The following EIF3E variants were observed in gnomAD, a reference collection of about 807,000 sequenced individuals.
The protein encoded by EIF3E is eIF-3 p48.
EIF3E carries 25 observed loss-of-function variants against 59.3 expected under a neutral mutation model. The observed-to-expected ratio is 0.42, with a 90% CI of 0.31 to 0.59. EIF3E has a LOEUF of 0.59. Among genes scored for constraint, EIF3E ranks in the 20% least tolerant of loss-of-function variants. EIF3E has a pLI of 0.15. For missense variants in EIF3E, 317 were observed against 534.3 expected (o/e 0.59, Z 4.01); for synonymous variants, 176 against 170.2 (o/e 1.03, Z -0.26).
At chr8:108,244,966 C>T (rs190941712) in intron 1 of EIF3E, among the ~76,000 whole-genome samples, 2 of 151,982 alleles carry the variant, frequency 1.3e-5, no homozygotes, top group South Asian at 2.1e-4. Flanking sequence ...AGCCTTCTAC[C>T]GCTCCTCGCC....
intron 4 of EIF3E, 144 bp from the exon 5 acceptor site, chr8:108,235,246 A>G (rs1284147681): frequency 4.1e-6 from 2 of 483,194 alleles, no homozygotes; most frequent in African/African-American, 4.1e-5. Context: ...TGTATCTCTG[A>G]TTATGGTATT....
intron 6 of EIF3E, among the ~76,000 whole-genome samples, 174 bp from the exon 7 acceptor site, chr8:108,228,565 G>A (rs148530121): frequency 3.3e-5 from 5 of 152,084 alleles, no homozygotes; most frequent in East Asian, 1.9e-4. Context: ...ATGATCCCTC[G>A]ACATTCCAAA....
Position 108,230,500 on chromosome 8 carries a change from T to C in EIF3E, c.472-1305A>G, listed in dbSNP as rs190209230. Among the ~76,000 whole-genome samples, 771 of 152,186 alleles carry C rather than the reference T, an allele frequency of 5.1e-3. 8 individuals carry two copies. The highest frequency in any genetic ancestry group is 0.018 in the African/African-American group (739 of 41,536). Reference sequence around the variant, plus strand: ...AAATTTATATTTATCTATATGTAAATGTGTATACATATTTACAGATATATG... The same window carrying C: ...AAATTTATATTTATCTATATGTAAACGTGTATACATATTTACAGATATATG... On this transcript the variant is annotated intron_variant, in intron 5 of 12. Coordinates refer to ENST00000220849, the MANE Select transcript of EIF3E (RefSeq NM_001568.3).
chr8:108,234,282 C>T (rs1014295561), intron 5 of EIF3E: 3 of 152,290 alleles, frequency 2.0e-5, no homozygotes, highest in Non-Finnish European at 2.9e-5. Context: ...ATCAGCCCGC[C>T]TCAGCCTCCC....
chr8:108,220,959 A>C (rs918794818), intron 7 of EIF3E, among the ~76,000 whole-genome samples: 1 of 152,170 alleles, frequency 6.6e-6, no homozygotes, highest in African/African-American at 2.4e-5. Context: ...CCAGGGAGTG[A>C]GTGAACCGAG....
At chr8:108,244,743 T>C (rs1246073691) in intron 1 of EIF3E, among the ~76,000 whole-genome samples, 1 of 152,168 alleles carries the variant, frequency 6.6e-6, no homozygotes, top group Non-Finnish European at 1.5e-5. Flanking sequence ...TTCAGTTCTA[T>C]CATTGATTCT....
chr8:108,217,449 G>A lies in EIF3E; in HGVS notation c.734C>T (p.Ala245Val), dbSNP rs1815325452. ...AATGTGTGGACACATTGTCTGAATT[G>A]CATTAAGATATCTAAGAAAAAATAT... ...LFLYQPQYLN[A>V]IQTMCPHILR... Residue 245 changes from alanine to valine, a missense_variant, in exon 8 of 13, where the codon GCA becomes GTA. Physicochemically the swap from Ala to Val is moderately conservative, Grantham distance 64. This residue lies in a region of EIF3E where 242 missense variants were observed against 398.0 expected (regional missense o/e 0.61). Coordinates refer to ENST00000220849, the MANE Select transcript of EIF3E (RefSeq NM_001568.3). The A allele has an allele frequency of 2.5e-6, 4 of 1,595,398 alleles. No individual in the cohort carries two copies. Among genetic ancestry groups the A allele is most frequent in the African/African-American group, 1.4e-5 (1 of 73,988 alleles).
intron 1 of EIF3E, among the ~76,000 whole-genome samples, chr8:108,247,642 C>G (rs1815973203): frequency 6.6e-6 from 1 of 152,062 alleles, no homozygotes; most frequent in Non-Finnish European, 1.5e-5. Context: ...TGCTTTTTGT[C>G]TTTTGCTACA....
rs184968524 is a variant in EIF3E, at chr8:108,203,375, T to C, written c.1164+26A>G. 21 of 1,579,440 alleles carry C rather than the reference T, an allele frequency of 1.3e-5. No homozygotes were observed. In the East Asian group the frequency reaches 3.8e-4, roughly 29 times the overall value. ...AAAGTATAATCAGGAACTGATAGTA[T>C]GTAGCATAGCTAACATAATACTCAC... On this transcript the variant is annotated intron_variant, in intron 11 of 12. Transcript: ENST00000220849.
chr8:108,243,521 C>G (rs929848364), intron 1 of EIF3E: 1 of 149,004 alleles, frequency 6.7e-6, no homozygotes, highest in African/African-American at 2.5e-5. Flanking sequence ...CCCAGCTACT[C>G]GGGAGGCTGA....
intron 5 of EIF3E, among the ~76,000 whole-genome samples, chr8:108,230,207 A>T (rs544694378): frequency 6.6e-6 from 1 of 152,310 alleles, no homozygotes; most frequent in South Asian, 2.1e-4. Flanking sequence ...ATTACAAGTT[A>T]AATTATATGT....
intron 5 of EIF3E, among the ~76,000 whole-genome samples, chr8:108,229,673 G>C (rs550559287): frequency 6.6e-6 from 1 of 152,232 alleles, no homozygotes; most frequent in East Asian, 1.9e-4. Flanking sequence ...AGTCAGTACG[G>C]AGAGAGGGAG....
intron 10 of EIF3E, among the ~76,000 whole-genome samples, chr8:108,209,989 T>C (rs550650049): frequency 6.6e-6 from 1 of 152,244 alleles, no homozygotes; most frequent in African/African-American, 2.4e-5. Flanking sequence ...ATAGGGGGTC[T>C]TTTTATCATT....
rs371358842 is a variant in EIF3E at position 108,204,682 on chromosome 8, TA to T, written c.1062-1180del. Among the ~76,000 whole-genome samples the T allele has an allele frequency of 4.0e-3, 595 of 150,088 alleles. 3 individuals carry two copies. Among genetic ancestry groups the T allele is most frequent in the African/African-American group, 0.014 (560 of 41,064 alleles). On this transcript the variant is annotated intron_variant, in intron 10 of 12. Coordinates refer to ENST00000220849, the MANE Select transcript of EIF3E (RefSeq NM_001568.3). ...ACGGGCATTGTGTATATTTGTGCTATAAACTGTGGGGGCACTCCCTGGAGCT... is the reference window on the plus strand; with the variant it reads ...ACGGGCATTGTGTATATTTGTGCTATAACTGTGGGGGCACTCCCTGGAGCT...
chr8:108,229,187 T>C lies in EIF3E; in HGVS notation c.480A>G (p.Ala160=), dbSNP rs1319866725. The C allele has an allele frequency of 4.3e-6, 7 of 1,611,318 alleles. No individual in the cohort carries two copies. The Admixed American group carries it at 5.0e-5, about 12-fold the overall frequency. The part of the protein sequence containing the change: ...YLYFFRVLVP[A]TDRNALSSLW... ...GTGAACTTAAAGCATTTCTATCTGTTGCTGGAACCTGTTTAAGAAATCATA... is the reference window on the plus strand; with the variant it reads ...GTGAACTTAAAGCATTTCTATCTGTCGCTGGAACCTGTTTAAGAAATCATA... Residue 160 remains alanine (A), a synonymous_variant, in exon 6 of 13, where the codon GCA becomes GCG. Transcript: ENST00000220849.
At chr8:108,239,861 T>A in intron 3 of EIF3E, 97 bp downstream of exon 3, 5 of 978,878 alleles carry the variant, frequency 5.1e-6, no homozygotes, top group Non-Finnish European at 8.0e-6. Flanking sequence ...ATTTAAACCA[T>A]GAACTTTTAC....
intron 5 of EIF3E, 49 bp from the exon 6 acceptor site, chr8:108,229,244 G>C: frequency 1.3e-6 from 2 of 1,583,356 alleles, no homozygotes; most frequent in Non-Finnish European, 8.6e-7. Context: ...CTTGAAAAAT[G>C]AACATAATGT....
At chr8:108,206,592 GCACACACACACA>G (rs58104020) in intron 10 of EIF3E, among the ~76,000 whole-genome samples, 24 of 149,580 alleles carry the variant, frequency 1.6e-4, no homozygotes, top group African/African-American at 3.7e-4. Context: ...GTGCACATGT[GCACACACACACA>G]CACACACACA....
chr8:108,216,414 A>T lies in EIF3E; in HGVS notation c.949T>A (p.Ser317Thr). 3 of 1,600,780 alleles carry T rather than the reference A, an allele frequency of 1.9e-6. No homozygotes were observed. The highest frequency in any genetic ancestry group is 2.6e-6 in the Non-Finnish European group (3 of 1,174,876). The change falls in exon 9 of 13, where the codon TCA (serine) becomes ACA (threonine). Residue 317 changes from serine (S) to threonine (T), a missense_variant and splice_region_variant. Physicochemically the swap from Ser to Thr is moderately conservative, Grantham distance 58. Around this residue, in one of 4 missense-constraint regions of EIF3E, gnomAD observed 242 missense variants for 398.0 expected, o/e 0.61. Transcript: ENST00000220849. The part of the protein sequence containing the change: ...GAQKKLRECE[S>T]VLVNDFFLVA... ...TATAAATAAAAATTCACACTTACTGATTCACATTCCCTCAGCTTTTTCTGA... is the reference window on the plus strand; with the variant it reads ...TATAAATAAAAATTCACACTTACTGTTTCACATTCCCTCAGCTTTTTCTGA...
Sources: allele counts gnomAD v4.1 joint callset (sites outside exome capture counted in the v4.1 genomes callset), GRCh38; gene constraint gnomAD v4.1.1; regional missense constraint gnomAD v4.1.1; transcripts MANE v1.5; gene names NCBI Gene and HGNC (gene_info 2026-07-23, HGNC 2026-07-21).